UMAD1: variants seen among roughly 807,000 people sequenced by gnomAD.
UMAD1 encodes the protein UBAP1-MVB12-associated (UMA)-domain containing protein 1.
In UMAD1, 8 loss-of-function variants were observed where a neutral mutation model predicts 6.1. That is an observed-to-expected ratio of 1.30 (90% CI 0.76 to 2.35). The LOEUF (loss-of-function observed/expected upper bound fraction) is 2.35, where lower values mean the gene tolerates loss of function less well. UMAD1 is among the 30% of genes most tolerant of loss of function. The pLI, the probability that UMAD1 is intolerant of heterozygous loss-of-function variation, is 0.00. For missense variants in UMAD1, 130 were observed against 78.4 expected (o/e 1.66, Z -2.49); for synonymous variants, 56 against 31.4 (o/e 1.78, Z -2.61).
At chr7:7,712,965 C>T (rs540444463) in intron 2 of UMAD1, among the ~76,000 whole-genome samples, 24 of 152,022 alleles carry the variant, frequency 1.6e-4, no homozygotes, top group Non-Finnish European at 2.2e-4. Context: ...TTTTATGTAC[C>T]GAATGAATTT....
intron 2 of UMAD1, among the ~76,000 whole-genome samples, chr7:7,694,709 A>G (rs76722814): frequency 7.0e-4 from 106 of 152,358 alleles, no homozygotes; most frequent in African/African-American, 2.5e-3. Flanking sequence ...GTTGTAAATG[A>G]CAGGATCTCA....
At chr7:7,662,819 A>T (rs944040905) in intron 1 of UMAD1, among the ~76,000 whole-genome samples, 6 of 152,194 alleles carry the variant, frequency 3.9e-5, no homozygotes, top group Non-Finnish European at 8.8e-5. Flanking sequence ...TGAGTGTTAA[A>T]ATGTTGTGGT....
rs112436937 is a variant in UMAD1 at position 7,779,670 on chromosome 7, G to C, written c.83-22000G>C. ...CTTTATTTATTTATTTTTGAGACAGGGTCTCACTCTGCCATCCAGGCTGAA... is the reference window on the plus strand; with the variant it reads ...CTTTATTTATTTATTTTTGAGACAGCGTCTCACTCTGCCATCCAGGCTGAA... On this transcript the variant is annotated intron_variant, in intron 2 of 3. Transcript: ENST00000682710. Among the ~76,000 whole-genome samples, 73 of 151,708 alleles carry C rather than the reference G, an allele frequency of 4.8e-4. 1 individual carries two copies. Among genetic ancestry groups the C allele is most frequent in the African/African-American group, 1.7e-3 (70 of 41,306 alleles).
At chr7:7,682,328 G>A (rs1407253607) in intron 2 of UMAD1, among the ~76,000 whole-genome samples, 1 of 151,752 alleles carries the variant, frequency 6.6e-6, no homozygotes, top group Non-Finnish European at 1.5e-5. Context: ...CAGTCTCAAT[G>A]ATCAGTCAGA....
intron 2 of UMAD1, among the ~76,000 whole-genome samples, chr7:7,730,891 G>A (rs1186374572): frequency 6.6e-6 from 1 of 152,194 alleles, no homozygotes; most frequent in Admixed American, 6.5e-5. Context: ...GCAGTGGCGG[G>A]AATGGTGGTG....
At chr7:7,694,488 A>G (rs982737893) in intron 2 of UMAD1, among the ~76,000 whole-genome samples, 2 of 152,024 alleles carry the variant, frequency 1.3e-5, no homozygotes, top group Non-Finnish European at 2.9e-5. Flanking sequence ...GTATCAAACT[A>G]TGTATTTTTG....
chr7:7,765,104 C>G (rs1781959322), intron 2 of UMAD1, among the ~76,000 whole-genome samples: 1 of 151,926 alleles, frequency 6.6e-6, no homozygotes, highest in Non-Finnish European at 1.5e-5. Flanking sequence ...GTCTTCCCTT[C>G]CCAAATCTGA....
chr7:7,834,158 A>G (rs1448268432), intron 3 of UMAD1, among the ~76,000 whole-genome samples: 1 of 150,894 alleles, frequency 6.6e-6, no homozygotes, highest in Non-Finnish European at 1.5e-5. Context: ...AGTAGCTGGG[A>G]TTACAGGCAC....
chr7:7,735,262 G>T (rs1399203444), intron 2 of UMAD1, among the ~76,000 whole-genome samples: 3 of 152,136 alleles, frequency 2.0e-5, no homozygotes, highest in Non-Finnish European at 4.4e-5. Flanking sequence ...TAGAAGGAAA[G>T]TTAGTAATAA....
intron 3 of UMAD1, among the ~76,000 whole-genome samples, chr7:7,806,850 G>A (rs975177497): frequency 6.6e-5 from 10 of 152,036 alleles, no homozygotes; most frequent in African/African-American, 1.9e-4. Context: ...TCTCTATAAC[G>A]AGAACATAAT....
At chr7:7,854,135 C>G (rs112023060) in intron 3 of UMAD1, among the ~76,000 whole-genome samples, 20,769 of 151,792 alleles carry the variant, frequency 0.14, 1,984 homozygotes, top group Non-Finnish European at 0.19. Context: ...GCAAGCAGAT[C>G]CCCTGAGGCT....
intron 3 of UMAD1, among the ~76,000 whole-genome samples, chr7:7,850,754 A>T (rs1175222966): frequency 6.6e-6 from 1 of 152,106 alleles, no homozygotes; most frequent in Non-Finnish European, 1.5e-5. Context: ...TAATTCATAT[A>T]TCTGAGGACA....
intron 2 of UMAD1, chr7:7,742,326 T>C: frequency 1.6e-6 from 1 of 619,674 alleles, no homozygotes; most frequent in Non-Finnish European, 3.1e-6. Flanking sequence ...AATTTGATAG[T>C]GTAGTGGTTA....
At chr7:7,843,741 G>C (rs1563252633) in intron 3 of UMAD1, among the ~76,000 whole-genome samples, 1 of 152,122 alleles carries the variant, frequency 6.6e-6, no homozygotes, top group Non-Finnish European at 1.5e-5. Context: ...ATCACTTTGT[G>C]ATTCTTAGAT....
intron 2 of UMAD1, among the ~76,000 whole-genome samples, chr7:7,759,955 G>A (rs572904508): frequency 2.6e-5 from 4 of 152,158 alleles, no homozygotes; most frequent in African/African-American, 4.8e-5. Context: ...AAGTTGTGTC[G>A]ACGCCCCCTC....
At chr7:7,717,243 G>T (rs1037989622) in intron 2 of UMAD1, among the ~76,000 whole-genome samples, 1 of 151,948 alleles carries the variant, frequency 6.6e-6, no homozygotes. Flanking sequence ...TTTTGGTAGA[G>T]ACTGGGTTTC....
chr7:7,686,160 TG>T (rs1780037849), intron 2 of UMAD1, among the ~76,000 whole-genome samples: 1 of 152,214 alleles, frequency 6.6e-6, no homozygotes, highest in Admixed American at 6.5e-5. Context: ...TTATAAGGTA[TG>T]GTAGAGGAGC....
intron 2 of UMAD1, among the ~76,000 whole-genome samples, chr7:7,777,803 A>G (rs1324312670): frequency 6.6e-6 from 1 of 152,056 alleles, no homozygotes; most frequent in Non-Finnish European, 1.5e-5. Flanking sequence ...TTTATTTAAA[A>G]GCTCCTTTTC....
In UMAD1 at chr7:7,814,869, C is replaced by G. The variant is rs1783094035; in HGVS notation, c.156+13126C>G. 2.0e-5 allele frequency among the ~76,000 whole-genome samples: 3 copies of G among 152,080 alleles called. No individual in the cohort carries two copies. The South Asian group carries it at 6.2e-4, about 32-fold the overall frequency. On this transcript the variant is annotated intron_variant, in intron 3 of 3. Transcript: ENST00000682710. Reference sequence around the variant, plus strand: ...AGTGCGATGTGATTTCTTCAGGGTCCTTATTGATTTGAAGATGCAGGTGAA... The same window carrying G: ...AGTGCGATGTGATTTCTTCAGGGTCGTTATTGATTTGAAGATGCAGGTGAA...
Sources: allele counts gnomAD v4.1 joint callset (sites outside exome capture counted in the v4.1 genomes callset), GRCh38; gene constraint gnomAD v4.1.1; transcripts MANE v1.5; gene names NCBI Gene and HGNC (gene_info 2026-07-23, HGNC 2026-07-21).